RAP1GAP: variants seen among roughly 807,000 people sequenced by gnomAD.
RAP1GAP encodes rap1 GTPase-activating protein 1.
A neutral mutation model predicts 87.2 loss-of-function variants in RAP1GAP; 35 were observed. The observed-to-expected ratio is 0.40, with a 90% CI of 0.31 to 0.53. The LOEUF is 0.53. RAP1GAP is among the 20% of genes least tolerant of loss of function. The pLI, the probability that RAP1GAP is intolerant of heterozygous loss-of-function variation, is 0.48. For missense variants in RAP1GAP, 734 were observed against 898.9 expected, an observed-to-expected ratio of 0.82 and a Z score of 2.35; for synonymous variants, 375 against 363.9, an observed-to-expected ratio of 1.03 and a Z score of -0.35.
chr1:21,635,208 C>T (rs762467792), intron 2 of RAP1GAP, among the ~76,000 whole-genome samples: 1 of 152,164 alleles, frequency 6.6e-6, no homozygotes, highest in Non-Finnish European at 1.5e-5. Context: ...TTCCCAGCAC[C>T]CGTCAGCCCA....
chr1:21,637,596 C>A (rs1213138770), intron 2 of RAP1GAP, among the ~76,000 whole-genome samples: 2 of 152,066 alleles, frequency 1.3e-5, no homozygotes, highest in Non-Finnish European at 2.9e-5. Context: ...AACACCAATG[C>A]ATAAAGATAT....
chr1:21,630,099 G>A (rs1019750219), intron 2 of RAP1GAP, among the ~76,000 whole-genome samples: 3 of 152,132 alleles, frequency 2.0e-5, no homozygotes, highest in African/African-American at 7.2e-5. Context: ...TTTTTCAAAG[G>A]AGGGAACTAA....
At chr1:21,659,735 G>T (rs2097041173) in intron 1 of RAP1GAP, among the ~76,000 whole-genome samples, 1 of 152,222 alleles carries the variant, frequency 6.6e-6, no homozygotes, top group Admixed American at 6.5e-5. Context: ...AGCTCTTCGG[G>T]ACCTCAGTCC....
rs766959852 is a variant in RAP1GAP at position 21,603,817 on chromosome 1, G to A, written c.1429-904C>T. The A allele has an allele frequency of 2.4e-5, 39 of 1,608,854 alleles. No homozygotes were observed. The highest frequency in any genetic ancestry group is 3.3e-5 in the Admixed American group (2 of 59,892). ...CGTGCAGGCAGCCTCCAGAGCCGGC[G>A]GCCCCGCGGACGACAACCTCTTCCA... On this transcript the variant is annotated intron_variant, in intron 18 of 24. Transcript: ENST00000374765. This position sits in a 1 kb window ranked among gnomAD's most constrained non-coding sequence, Gnocchi z 6.0.
intron 1 of RAP1GAP, among the ~76,000 whole-genome samples, chr1:21,660,561 C>T (rs548031631): frequency 6.6e-6 from 1 of 151,662 alleles, no homozygotes; most frequent in South Asian, 2.1e-4. Flanking sequence ...CTTCAACTCC[C>T]AACCTCAAGT....
rs146810008 is a variant in RAP1GAP at position 21,602,815 on chromosome 1, C to T, written c.1527G>A (p.Val509=). 2.4e-5 allele frequency: 38 copies of T among 1,607,786 alleles called. No individual in the cohort carries two copies. The highest frequency in any genetic ancestry group is 3.1e-5 in the Non-Finnish European group (37 of 1,178,830). The change falls in exon 19 of 25, where the codon GTG becomes GTA. Residue 509 remains valine, a synonymous_variant. Coordinates refer to ENST00000374765, the MANE Select transcript of RAP1GAP (RefSeq NM_002885.4). ...CCCCACTCACCCACCTCTTCTCCTG[C>T]ACCTCCTGTATGTTCTCGATGCCAA... The part of the protein sequence containing the change: ...SAIGIENIQE[V]QEKRESPPAG...
rs1246698917 is a variant in RAP1GAP at position 21,642,850 on chromosome 1, C to T, written c.-113+6911G>A. On this transcript the variant is annotated intron_variant, in intron 2 of 24. Coordinates refer to ENST00000374765, the MANE Select transcript of RAP1GAP (RefSeq NM_002885.4). ...CCACCTCCTGTCCCTGGAACATTCT[C>T]GCACAGTGCACCTCCCTTCCCCACT... Among the ~76,000 whole-genome samples, 3 of 150,518 alleles carry T rather than the reference C, an allele frequency of 2.0e-5. No individual in the cohort carries two copies. In the East Asian group the frequency reaches 5.9e-4, roughly 29 times the overall value.
chr1:21,624,633 G>A (rs1197146881), intron 3 of RAP1GAP, among the ~76,000 whole-genome samples: 1 of 152,102 alleles, frequency 6.6e-6, no homozygotes, highest in African/African-American at 2.4e-5. Flanking sequence ...CCTGTCAAAG[G>A]AGGATGGTCC....
chr1:21,666,803 T>C (rs565286510), intron 1 of RAP1GAP, among the ~76,000 whole-genome samples: 2 of 152,236 alleles, frequency 1.3e-5, no homozygotes, highest in African/African-American at 2.4e-5. Context: ...CCTCGTGTTC[T>C]TCCTGCATGC....
chr1:21,667,538 G>A (rs543434572), intron 1 of RAP1GAP: 2 of 152,514 alleles, frequency 1.3e-5, no homozygotes, highest in East Asian at 3.9e-4. Context: ...GGCAAGGCAA[G>A]CCTAGGACTC....
At chr1:21,655,703 T>C (rs2096833543) in intron 1 of RAP1GAP, among the ~76,000 whole-genome samples, 1 of 152,226 alleles carries the variant, frequency 6.6e-6, no homozygotes, top group African/African-American at 2.4e-5. Flanking sequence ...GCCTCCTAGA[T>C]TTGTACCCAA....
At chr1:21,616,051 G>A (rs935102850) in intron 7 of RAP1GAP, among the ~76,000 whole-genome samples, 18 of 151,762 alleles carry the variant, frequency 1.2e-4, no homozygotes, top group Middle Eastern at 3.4e-3. Flanking sequence ...GGTTAGCACC[G>A]GTGTCTCCCA....
rs2080101184 is a variant in RAP1GAP, at chr1:21,613,841, T to G, written c.396-135A>C. ...AGGTGATGATGGGTGTCAGGCTGAC[T>G]CGGGTACTAACTTGCTGTGCAACCT... On this transcript the variant is annotated intron_variant, in intron 8 of 24. Coordinates refer to ENST00000374765, the MANE Select transcript of RAP1GAP (RefSeq NM_002885.4). The surrounding 1 kb of genome is among the most constrained non-coding windows in gnomAD (Gnocchi z 4.7). 3 of 1,136,964 alleles carry G rather than the reference T, an allele frequency of 2.6e-6. No individual in the cohort carries two copies. Among genetic ancestry groups the G allele is most frequent in the East Asian group, 2.4e-5 (1 of 40,984 alleles). The allele number at this position is 1,136,964 out of a possible 1,614,324, so 70.4% of individuals were successfully genotyped here. A position where few individuals can be genotyped will look rare whatever the true frequency, so the allele number is the denominator to read the frequency against.
At chr1:21,620,156 G>C in intron 3 of RAP1GAP, 106 bp from the exon 4 acceptor site, 1 of 1,201,974 alleles carries the variant, frequency 8.3e-7, no homozygotes. Flanking sequence ...ATCAGTGACC[G>C]AGGCACCTGT....
At position 21,648,036 on chromosome 1, in the gene RAP1GAP, T is replaced by C. The variant is rs150169450; in HGVS notation, c.-113+1725A>G. Among the ~76,000 whole-genome samples, 139 of 152,288 alleles carry C rather than the reference T, an allele frequency of 9.1e-4. 1 individual carries two copies. Among genetic ancestry groups the C allele is most frequent in the African/African-American group, 3.3e-3 (137 of 41,548 alleles). ...GGTCAAAATGGCCACCACTGACGCA[T>C]GGGCTGGAGTTAAGCGATGGCCTTT... On this transcript the variant is annotated intron_variant, in intron 2 of 24. Coordinates refer to ENST00000374765, the MANE Select transcript of RAP1GAP (RefSeq NM_002885.4).
rs778091110 is a variant in RAP1GAP at position 21,613,689 on chromosome 1, T to C, written c.413A>G (p.Tyr138Cys). ...RLLLRTKCRTYHDVIPISCLT... is the reference protein window; with the variant it reads ...RLLLRTKCRTCHDVIPISCLT... ...GCAGGAGATGGGGATGACATCATGG[T>C]ATGTCCGGCACTTGGTCCTGAGAAG... The change falls in exon 9 of 25, where the codon TAC becomes TGC. Residue 138 changes from tyrosine (Y) to cysteine (C), a missense_variant. By Grantham distance (194) the Tyr-to-Cys change is radical. Around this residue, in one of 2 missense-constraint regions of RAP1GAP, gnomAD observed 485 missense variants for 646.2 expected, o/e 0.75. Coordinates refer to ENST00000374765, the MANE Select transcript of RAP1GAP (RefSeq NM_002885.4). This position sits in a 1 kb window ranked among gnomAD's most constrained non-coding sequence, Gnocchi z 4.7. 2 of 1,613,194 alleles carry C rather than the reference T, an allele frequency of 1.2e-6. No individual in the cohort carries two copies. The highest frequency in any genetic ancestry group is 4.5e-5 in the East Asian group (2 of 44,874).
At chr1:21,640,370 A>G (rs1345099896) in intron 2 of RAP1GAP, among the ~76,000 whole-genome samples, 1 of 152,160 alleles carries the variant, frequency 6.6e-6, no homozygotes, top group Admixed American at 6.5e-5. Context: ...GTGACCATTA[A>G]GCCACTGTCA....
intron 20 of RAP1GAP, 30 bp from the exon 21 acceptor site, chr1:21,599,647 G>A: frequency 6.3e-7 from 1 of 1,589,054 alleles, no homozygotes; most frequent in South Asian, 1.1e-5. Context: ...ATTAGCCGGT[G>A]TCCACCCCGA....
At chr1:21,610,318 G>T (rs747778441) in intron 13 of RAP1GAP, 43 bp from the exon 14 acceptor site, 17 of 1,607,966 alleles carry the variant, frequency 1.1e-5, no homozygotes, top group Non-Finnish European at 1.4e-5. Flanking sequence ...GCCAGAGGGG[G>T]CCCATGGGGG....
Sources: gnomAD v4.1 joint callset for allele counts (sites outside exome capture counted in the v4.1 genomes callset) on GRCh38, gnomAD v4.1.1 for gene constraint, gnomAD v4.1.1 regional missense constraint, Gnocchi (gnomAD v3.1) non-coding constraint, MANE v1.5 for transcripts, NCBI Gene and HGNC (gene_info 2026-07-23, HGNC 2026-07-21) for gene names.